Variants in PTPRD observed in about 807,000 individuals in gnomAD.
PTPRD encodes the protein receptor-type tyrosine-protein phosphatase delta.
In PTPRD, 34 loss-of-function variants were observed where a neutral mutation model predicts 214.5. The observed-to-expected ratio is 0.16, with a 90% CI of 0.12 to 0.21. The LOEUF (loss-of-function observed/expected upper bound fraction) is 0.21. Ranked by LOEUF, PTPRD falls within the 10% of genes least tolerant of loss-of-function variation. The probability of loss-of-function intolerance (pLI) is 1.00; values close to 1 mark genes in which losing one functional copy is unlikely to be tolerated. For missense variants in PTPRD, 2,545 were observed against 2,398.7 expected (o/e 1.06, Z -1.27); for synonymous variants, 1,128 against 845.7 (o/e 1.33, Z -5.79).
chr9:10,086,307 G>A (rs917879073), intron 3 of PTPRD, among the ~76,000 whole-genome samples: 3 of 151,640 alleles, frequency 2.0e-5, no homozygotes. Flanking sequence ...TGCTGTCTGG[G>A]AGTCTGTTTC....
At chr9:8,365,790 T>C (rs888444678) in intron 39 of PTPRD, among the ~76,000 whole-genome samples, 6 of 152,164 alleles carry the variant, frequency 3.9e-5, no homozygotes, top group Non-Finnish European at 7.3e-5. Flanking sequence ...CTCAGAACCC[T>C]GAGCCCACTG....
rs558214734 is a variant in PTPRD at position 9,136,541 on chromosome 9, A to G, written c.-143+46763T>C. Among the ~76,000 whole-genome samples the G allele has an allele frequency of 3.9e-4, 60 of 152,288 alleles. 1 individual carries two copies. The highest frequency in any genetic ancestry group is 2.7e-3 in the South Asian group (13 of 4,828). The stretch of plus-strand genomic sequence containing the variant: ...ATTCTAGAAAAAAGGTTAAAAAGAG[A>G]AAGACTAGCAAGTGAAATGATAATA... On this transcript the variant is annotated intron_variant, in intron 10 of 45. Coordinates refer to ENST00000381196, the MANE Select transcript of PTPRD (RefSeq NM_002839.4).
chr9:10,587,321 T>G (rs1331028105), intron 2 of PTPRD, among the ~76,000 whole-genome samples: 1 of 152,122 alleles, frequency 6.6e-6, no homozygotes, highest in Non-Finnish European at 1.5e-5. Flanking sequence ...TGGATAAAAT[T>G]AAATTCATTA....
At position 8,885,095 on chromosome 9, in the gene PTPRD, G is replaced by A. The variant is rs550585707; in HGVS notation, c.-104+133602C>T. Among the ~76,000 whole-genome samples, 6 of 152,292 alleles carry A rather than the reference G, an allele frequency of 3.9e-5. No homozygotes were observed. The East Asian group carries it at 9.7e-4, about 24-fold the overall frequency. On this transcript the variant is annotated intron_variant, in intron 11 of 45. Coordinates refer to ENST00000381196, the MANE Select transcript of PTPRD (RefSeq NM_002839.4). ...TGTTGAATAAAATAGAAACAGACAA[G>A]CCTGTGCTCTGAGAGGAAACAGAAT...
At chr9:10,201,524 T>G (rs973445898) in intron 3 of PTPRD, among the ~76,000 whole-genome samples, 1 of 152,060 alleles carries the variant, frequency 6.6e-6, no homozygotes, top group Admixed American at 6.6e-5. Flanking sequence ...GGAGTATATT[T>G]AATTGTCATC....
intron 11 of PTPRD, among the ~76,000 whole-genome samples, chr9:8,749,992 C>A (rs1019991149): frequency 1.3e-5 from 2 of 151,662 alleles, no homozygotes. Context: ...AGTCCCAGCT[C>A]CTCGGGAAGC....
chr9:9,727,837 G>T (rs75974689), intron 7 of PTPRD, among the ~76,000 whole-genome samples: 2,242 of 152,188 alleles, frequency 0.015, 56 homozygotes, highest in African/African-American at 0.05. Flanking sequence ...TCTCAAGTTG[G>T]GTTGAACTCC....
chr9:9,366,351 C>T (rs1001306833), intron 9 of PTPRD, among the ~76,000 whole-genome samples: 2 of 151,252 alleles, frequency 1.3e-5, no homozygotes, highest in African/African-American at 4.8e-5. Flanking sequence ...TATAAATAAA[C>T]AGCACTGACC....
intron 10 of PTPRD, among the ~76,000 whole-genome samples, chr9:9,156,783 G>C (rs1592594067): frequency 6.6e-6 from 1 of 152,134 alleles, no homozygotes; most frequent in African/African-American, 2.4e-5. Context: ...ATGGATCAGG[G>C]AAGAAACCAC....
At chr9:8,489,360 G>C (rs1210885066) in intron 27 of PTPRD, among the ~76,000 whole-genome samples, 1 of 152,118 alleles carries the variant, frequency 6.6e-6, no homozygotes, top group Non-Finnish European at 1.5e-5. Flanking sequence ...CATTAGCTCT[G>C]ACCTACTGGC....
chr9:10,583,119 G>C (rs752186178), intron 2 of PTPRD, among the ~76,000 whole-genome samples: 2 of 152,202 alleles, frequency 1.3e-5, no homozygotes, highest in Non-Finnish European at 1.5e-5. Flanking sequence ...TGATGCAGCA[G>C]TTAGAACCTT....
At chr9:8,786,935 C>T (rs2096005753) in intron 11 of PTPRD, among the ~76,000 whole-genome samples, 1 of 151,930 alleles carries the variant, frequency 6.6e-6, no homozygotes, top group African/African-American at 2.4e-5. Context: ...GACAGGGTCT[C>T]ACTCTGCTGC....
intron 8 of PTPRD, among the ~76,000 whole-genome samples, chr9:9,416,679 A>G (rs1486672922): frequency 2.0e-5 from 3 of 152,110 alleles, no homozygotes; most frequent in African/African-American, 4.8e-5. Context: ...TCTCCTAAGA[A>G]TATCTGTCTT....
intron 11 of PTPRD, among the ~76,000 whole-genome samples, chr9:8,880,785 T>A (rs1315107097): frequency 6.6e-6 from 1 of 152,128 alleles, no homozygotes; most frequent in Admixed American, 6.5e-5. Flanking sequence ...CTCTATGGTG[T>A]TTTCTTTTTT....
chr9:9,892,744 T>TAAAA (rs34445709), intron 5 of PTPRD, among the ~76,000 whole-genome samples: 1 of 144,174 alleles, frequency 6.9e-6, no homozygotes, highest in African/African-American at 2.5e-5. Flanking sequence ...AATAACGAGG[T>TAAAA]AAAAAAAAAA....
At chr9:9,134,186 C>A (rs1378323117) in intron 10 of PTPRD, among the ~76,000 whole-genome samples, 1 of 146,110 alleles carries the variant, frequency 6.8e-6, no homozygotes. Flanking sequence ...CATTCTCCTG[C>A]CTCAGCCTCC....
In PTPRD at chr9:10,168,966, C is replaced by G. The variant is rs576193561; in HGVS notation, c.-544-135176G>C. On this transcript the variant is annotated intron_variant, in intron 3 of 45. Coordinates refer to ENST00000381196, the MANE Select transcript of PTPRD (RefSeq NM_002839.4). ...TGTCTTATGGACTGGAGGAGCCAAT[C>G]CACCTGTCAGGAGTTTATTGCAGAA... is the stretch of plus-strand genomic sequence containing the variant. Among the ~76,000 whole-genome samples, 7 of 152,214 alleles carry G rather than the reference C, an allele frequency of 4.6e-5. No individual in the cohort carries two copies. The East Asian group carries it at 1.4e-3, about 29-fold the overall frequency.
At chr9:9,681,273 G>T (rs2097064087) in intron 7 of PTPRD, among the ~76,000 whole-genome samples, 1 of 151,476 alleles carries the variant, frequency 6.6e-6, no homozygotes, top group African/African-American at 2.4e-5. Flanking sequence ...TGTTTCCTTG[G>T]TGGACAGATT....
chr9:10,123,908 T>C (rs1243845083), intron 3 of PTPRD, among the ~76,000 whole-genome samples: 7 of 152,170 alleles, frequency 4.6e-5, no homozygotes, highest in Non-Finnish European at 8.8e-5. Context: ...TGAATGTTTG[T>C]GGACTTAATG....
Sources: gnomAD v4.1 joint callset for allele counts (sites outside exome capture counted in the v4.1 genomes callset) on GRCh38, gnomAD v4.1.1 for gene constraint, MANE v1.5 for transcripts, NCBI Gene and HGNC (gene_info 2026-07-23, HGNC 2026-07-21) for gene names.